CUX1: variants seen among roughly 807,000 people sequenced by gnomAD.
The protein encoded by CUX1 is protein CASP.
In CUX1, 31 loss-of-function variants were observed where a neutral mutation model predicts 158.8. That is an observed-to-expected ratio of 0.20 (90% CI 0.15 to 0.26). The LOEUF is 0.26. CUX1 is among the 10% of genes least tolerant of loss of function. The probability of loss-of-function intolerance (pLI) is 1.00; values close to 1 mark genes in which losing one functional copy is unlikely to be tolerated. For synonymous variants in CUX1, 879 were observed against 862.1 expected, an observed-to-expected ratio of 1.02 and a Z score of -0.34; for missense variants, 1,589 against 2,014.6, an observed-to-expected ratio of 0.79 and a Z score of 4.04.
At chr7:102,053,777 T>C (rs1472825051) in intron 3 of CUX1, among the ~76,000 whole-genome samples, 1 of 151,784 alleles carries the variant, frequency 6.6e-6, no homozygotes, top group Non-Finnish European at 1.5e-5. Flanking sequence ...TTTTCAAAAC[T>C]TCCATTCTGT....
At chr7:101,850,632 C>T (rs960886397) in intron 1 of CUX1, among the ~76,000 whole-genome samples, 8 of 151,926 alleles carry the variant, frequency 5.3e-5, no homozygotes, top group Admixed American at 3.3e-4. Flanking sequence ...CTCCCGCCTC[C>T]GCCTCCCAAA....
intron 22 of CUX1, among the ~76,000 whole-genome samples, chr7:102,235,451 A>T (rs1799455739): frequency 6.6e-6 from 1 of 152,098 alleles, no homozygotes; most frequent in Admixed American, 6.5e-5. Flanking sequence ...CTGTAATCCC[A>T]GCACTTTGGG....
At chr7:102,216,527 C>A (rs1376701684) in intron 20 of CUX1, among the ~76,000 whole-genome samples, 1 of 76,580 alleles carries the variant, frequency 1.3e-5, no homozygotes, top group Middle Eastern at 5.4e-3. Flanking sequence ...CACACACACT[C>A]TCCCCCCCAC....
At position 102,200,098 on chromosome 7, in the gene CUX1, C is replaced by T. The variant is rs1235128771; in HGVS notation, c.1988C>T (p.Ser663Leu). Residue 663 changes from serine to leucine, a missense_variant, in exon 17 of 24, where the codon TCG becomes TTG. Ser to Leu is a moderately radical substitution (Grantham distance 145). This residue lies in a region of CUX1 where 337 missense variants were observed against 409.3 expected (regional missense o/e 0.82). Coordinates refer to ENST00000292535, the MANE Select transcript of CUX1 (RefSeq NM_181552.4). Reference protein sequence around the residue: ...EGNITTRIRASETGSDEAIKS... With the variant: ...EGNITTRIRALETGSDEAIKS... Reference sequence around the variant, plus strand: ...AACATCACCACCCGGATCCGAGCCTCGGAGACTGGCTCTGATGAAGCCATC... The same window carrying T: ...AACATCACCACCCGGATCCGAGCCTTGGAGACTGGCTCTGATGAAGCCATC... 4.3e-6 allele frequency: 7 copies of T among 1,613,224 alleles called. No homozygotes were observed. The highest frequency in any genetic ancestry group is 3.3e-5 in the Admixed American group (2 of 59,866).
chr7:102,252,679 C>G lies in CUX1; in HGVS notation c.*3637C>G. ...GAGATGGCAGGTGTGTGAGTTCTGT[C>G]CTAGACCTGTGCCCAACTCACTTCC... On this transcript the variant is annotated 3_prime_UTR_variant, in exon 24 of 24. Coordinates refer to ENST00000292535, the MANE Select transcript of CUX1 (RefSeq NM_181552.4). The G allele has an allele frequency of 1.0e-6, 1 of 985,436 alleles. No individual in the cohort carries two copies. The highest frequency in any genetic ancestry group is 1.2e-6 in the Non-Finnish European group (1 of 829,958). The allele number at this position is 985,436 out of a possible 1,614,324, so 61.0% of individuals were successfully genotyped here.
intron 22 of CUX1, among the ~76,000 whole-genome samples, chr7:102,236,720 C>T (rs1209229523): frequency 6.6e-6 from 1 of 152,230 alleles, no homozygotes; most frequent in East Asian, 1.9e-4. Flanking sequence ...GGAGGCAGCC[C>T]TCAGCCCTTA....
At chr7:102,197,386 C>A in intron 15 of CUX1, 81 bp downstream of exon 15, 3 of 1,443,030 alleles carry the variant, frequency 2.1e-6, no homozygotes, top group Non-Finnish European at 2.9e-6. Context: ...GTGCGTGTGT[C>A]TGTGTGCGTG....
chr7:101,853,324 A>G (rs1353147313), intron 1 of CUX1, among the ~76,000 whole-genome samples: 2 of 152,214 alleles, frequency 1.3e-5, no homozygotes, highest in East Asian at 1.9e-4. Flanking sequence ...TTATTCTGCA[A>G]TAGACTTGCA....
In CUX1 at chr7:102,254,897, G is replaced by T; in HGVS notation, c.*5855G>T. ...TTCGATCAGGTTTTGACTTTTTGTA[G>T]ATGAAAACTACCAGGGAAAAGGGGA... On this transcript the variant is annotated 3_prime_UTR_variant, in exon 24 of 24. Coordinates refer to ENST00000292535, the MANE Select transcript of CUX1 (RefSeq NM_181552.4). The T allele has an allele frequency of 3.0e-6, 3 of 985,448 alleles. No individual in the cohort carries two copies. Among genetic ancestry groups the T allele is most frequent in the Non-Finnish European group, 3.6e-6 (3 of 829,942 alleles). 61.0% of individuals were successfully genotyped at this position (985,448 alleles called of 1,614,324 possible).
chr7:102,163,924 C>G (rs931237943), intron 9 of CUX1, among the ~76,000 whole-genome samples: 2 of 152,216 alleles, frequency 1.3e-5, no homozygotes, highest in Non-Finnish European at 2.9e-5. Context: ...AACCACTGTG[C>G]TCCTGTTATG....
chr7:102,062,834 G>A (rs1381825676), intron 3 of CUX1, among the ~76,000 whole-genome samples: 10 of 152,112 alleles, frequency 6.6e-5, no homozygotes, highest in Admixed American at 2.6e-4. Context: ...GCCGGGTGCG[G>A]TGGCTCATGC....
intron 2 of CUX1, among the ~76,000 whole-genome samples, chr7:101,924,711 G>A (rs929130458): frequency 6.0e-5 from 9 of 150,950 alleles, no homozygotes; most frequent in East Asian, 2.0e-4. Context: ...GACTACAGGC[G>A]TGCACCACCA....
intron 8 of CUX1, among the ~76,000 whole-genome samples, chr7:102,129,230 C>T (rs1329830010): frequency 6.6e-6 from 1 of 152,204 alleles, no homozygotes; most frequent in Non-Finnish European, 1.5e-5. Flanking sequence ...AGCTGGGGCA[C>T]CCAGGTGTAA....
In CUX1 at chr7:101,937,538, T is replaced by C. The variant is rs573335838; in HGVS notation, c.141+21313T>C. 1.1e-4 allele frequency among the ~76,000 whole-genome samples: 16 copies of C among 148,926 alleles called. No individual in the cohort carries two copies. In the East Asian group the frequency reaches 3.0e-3, roughly 28 times the overall value. On this transcript the variant is annotated intron_variant, in intron 2 of 23. Coordinates refer to ENST00000292535, the MANE Select transcript of CUX1 (RefSeq NM_181552.4). ...TTTTTTTTTTTTAATTGAGACAGAG[T>C]CTCGCTCTGTCTCCCAGGCTGCAGT...
chr7:101,891,772 T>G (rs1325477295), intron 1 of CUX1, among the ~76,000 whole-genome samples: 1 of 152,216 alleles, frequency 6.6e-6, no homozygotes, highest in Non-Finnish European at 1.5e-5. Flanking sequence ...AGGTTTCAAA[T>G]ATTAGTTTGG....
At chr7:102,030,828 T>C (rs1234321432) in intron 3 of CUX1, among the ~76,000 whole-genome samples, 1 of 151,362 alleles carries the variant, frequency 6.6e-6, no homozygotes, top group Non-Finnish European at 1.5e-5. Flanking sequence ...CACCGCCAGA[T>C]AGCTGGGACT....
intron 1 of CUX1, among the ~76,000 whole-genome samples, chr7:101,828,512 G>A (rs1205405128): frequency 6.6e-6 from 1 of 152,198 alleles, no homozygotes; most frequent in Non-Finnish European, 1.5e-5. Flanking sequence ...AACGGGGAAA[G>A]TGCATGTTGT....
At chr7:101,899,600 A>G (rs1801921886) in intron 1 of CUX1, among the ~76,000 whole-genome samples, 1 of 152,184 alleles carries the variant, frequency 6.6e-6, no homozygotes, top group Non-Finnish European at 1.5e-5. Context: ...AGAGAACATC[A>G]GGTATAGAGA....
intron 8 of CUX1, among the ~76,000 whole-genome samples, chr7:102,123,476 G>T (rs1359000835): frequency 1.3e-5 from 2 of 151,520 alleles, no homozygotes; most frequent in African/African-American, 4.8e-5. Flanking sequence ...AGGCGTGGTG[G>T]CGGGTGCCTA....
Sources: gnomAD v4.1 joint callset for allele counts (sites outside exome capture counted in the v4.1 genomes callset) on GRCh38, gnomAD v4.1.1 for gene constraint, gnomAD v4.1.1 regional missense constraint, MANE v1.5 for transcripts, NCBI Gene and HGNC (gene_info 2026-07-23, HGNC 2026-07-21) for gene names.